The following OR52E5 variants were observed in gnomAD, a reference collection of about 807,000 sequenced individuals.
The protein encoded by OR52E5 is olfactory receptor family 52 subfamily E member 5.
intron 2 of OR52E5, 70 bp from the exon 3 acceptor site, chr11:5,900,562 C>T (rs1847235651): frequency 2.7e-6 from 1 of 372,620 alleles, no homozygotes; most frequent in African/African-American, 2.1e-5. Context: ...TGCATGGTTT[C>T]CTGTGTAAGT....
intron 1 of OR52E5, among the ~76,000 whole-genome samples, chr11:5,895,370 CAT>C (rs1424453505): frequency 6.6e-6 from 1 of 152,128 alleles, no homozygotes; most frequent in Non-Finnish European, 1.5e-5. Context: ...TAAAATTAAA[CAT>C]AAATTTTGTT....
chr11:5,900,091 A>G (rs777819214), intron 2 of OR52E5, among the ~76,000 whole-genome samples: 7 of 152,216 alleles, frequency 4.6e-5, no homozygotes, highest in Non-Finnish European at 2.9e-5. Flanking sequence ...AAAGTATCTG[A>G]GAGCATCCAG....
intron 2 of OR52E5, among the ~76,000 whole-genome samples, chr11:5,896,246 T>TAAAAAA (rs56197568): frequency 0.044 from 2,346 of 53,488 alleles, 312 homozygotes; most frequent in Middle Eastern, 0.056. Flanking sequence ...TCGTCTCTAC[T>TAAAAAA]AAAAAAAAAA....
intron 1 of OR52E5, among the ~76,000 whole-genome samples, chr11:5,894,006 G>A (rs918237715): frequency 3.6e-4 from 54 of 151,912 alleles, no homozygotes; most frequent in Admixed American, 1.2e-3. Context: ...AAATCTTTCT[G>A]CCCGCCATTC....
rs1388128160 is a variant in OR52E5, at chr11:5,900,710, T to G, written c.-67T>G. On this transcript the variant is annotated 5_prime_UTR_variant, in exon 3 of 3. Transcript: ENST00000610445. ...AATAGACACCATGCTGTGAAAGAAG[T>G]TATGGTTTCTCACTGGAAGCAAGAA... 1 of 398,464 alleles carries G rather than the reference T, an allele frequency of 2.5e-6. No homozygotes were observed. Among genetic ancestry groups the G allele is most frequent in the Non-Finnish European group, 4.4e-6 (1 of 226,052 alleles). The allele number at this position is 398,464 out of a possible 1,614,324, so 24.7% of individuals were successfully genotyped here.
chr11:5,897,029 G>A (rs562837761), intron 2 of OR52E5, among the ~76,000 whole-genome samples: 19 of 152,286 alleles, frequency 1.2e-4, no homozygotes, highest in South Asian at 4.1e-4. Context: ...CTGACAGATC[G>A]GATGCTGGGG....
At position 5,898,044 on chromosome 11, in the gene OR52E5, A is replaced by T. The variant is rs546530213; in HGVS notation, c.-146+2331A>T. 3.5e-3 allele frequency among the ~76,000 whole-genome samples: 524 copies of T among 149,926 alleles called. 6 individuals carry two copies. The highest frequency in any genetic ancestry group is 0.014 in the Middle Eastern group (4 of 292). ...CACCAAGCTAATTTTTTTTTTTTTT[A>T]GATGAAGTCTCCCTATGTTTCCCAG... On this transcript the variant is annotated intron_variant, in intron 2 of 2. Coordinates refer to ENST00000610445, the MANE Select transcript of OR52E5 (RefSeq NM_001005166.5).
intron 2 of OR52E5, among the ~76,000 whole-genome samples, chr11:5,898,007 C>T (rs1223682099): frequency 2.6e-5 from 4 of 151,724 alleles, no homozygotes; most frequent in Non-Finnish European, 4.4e-5. Flanking sequence ...TAACCATAGG[C>T]GCACACCACC....
At chr11:5,896,825 C>A (rs543053831) in intron 2 of OR52E5, among the ~76,000 whole-genome samples, 8 of 152,138 alleles carry the variant, frequency 5.3e-5, no homozygotes, top group Non-Finnish European at 8.8e-5. Flanking sequence ...AATTCCCTGG[C>A]CTGAATCTCA....
At chr11:5,894,175 A>T (rs1847141709) in intron 1 of OR52E5, among the ~76,000 whole-genome samples, 1 of 152,218 alleles carries the variant, frequency 6.6e-6, no homozygotes, top group African/African-American at 2.4e-5. Context: ...TTTTGCCTTC[A>T]AAGAAATTAT....
At chr11:5,894,506 C>A (rs986519758) in intron 1 of OR52E5, among the ~76,000 whole-genome samples, 1 of 152,052 alleles carries the variant, frequency 6.6e-6, no homozygotes, top group Non-Finnish European at 1.5e-5. Context: ...GTTAATAAAT[C>A]TAGGCTATGT....
chr11:5,902,189 C>T lies in OR52E5; in HGVS notation c.*429C>T, dbSNP rs4559671. The T allele has an allele frequency of 0.25, 38,388 of 154,496 alleles. 4,840 individuals carry two copies. The highest frequency in any genetic ancestry group is 0.27 in the Middle Eastern group (190 of 710). The allele number at this position is 154,496 out of a possible 1,614,324, so 9.6% of individuals were successfully genotyped here. On this transcript the variant is annotated 3_prime_UTR_variant, in exon 3 of 3. Transcript: ENST00000610445. ...GATTTAAATACAGGTTATGGCCTTA[C>T]CTAAAATTTTGACCTGAGCATTTCA...
At chr11:5,900,391 C>G (rs1847233295) in intron 2 of OR52E5, among the ~76,000 whole-genome samples, 3 of 151,910 alleles carry the variant, frequency 2.0e-5, no homozygotes, top group Admixed American at 6.6e-5. Context: ...CACACACACA[C>G]ACACACACAC....
intron 2 of OR52E5, among the ~76,000 whole-genome samples, chr11:5,896,200 A>G (rs1847171689): frequency 6.8e-6 from 1 of 147,826 alleles, no homozygotes; most frequent in Admixed American, 6.8e-5. Context: ...CAGGAGATCA[A>G]GACATCAAGA....
At position 5,901,144 on chromosome 11, in the gene OR52E5, A is replaced by G. The variant is rs1847245483; in HGVS notation, c.368A>G (p.Asp123Gly). Residue 123 changes from aspartate (D) to glycine (G), a missense_variant, in exon 3 of 3, where the codon GAT becomes GGT. Coordinates refer to ENST00000610445, the MANE Select transcript of OR52E5 (RefSeq NM_001005166.5). ...ESVVLTVTGI[D>G]RYIAICNPLR... ...GTGGTACTGACAGTCACGGGCATAG[A>G]TCGCTATATTGCCATCTGCAACCCC... 1 of 401,372 alleles carries G rather than the reference A, an allele frequency of 2.5e-6. No homozygotes were observed. Among genetic ancestry groups the G allele is most frequent in the Non-Finnish European group, 4.4e-6 (1 of 226,368 alleles). The allele number at this position is 401,372 out of a possible 1,614,324, so 24.9% of individuals were successfully genotyped here. A position where few individuals can be genotyped will look rare whatever the true frequency, so the allele number is the denominator to read the frequency against.
rs1302211209 is a variant in OR52E5 at position 5,901,777 on chromosome 11, T to A, written c.*17T>A. ...AGACAATAATGAGATCATAACAAAA[T>A]AAACACTGGAAACATTTTTTTTACT... On this transcript the variant is annotated 3_prime_UTR_variant, in exon 3 of 3. Transcript: ENST00000610445. The A allele has an allele frequency of 2.5e-5, 10 of 400,016 alleles. No homozygotes were observed. The highest frequency in any genetic ancestry group is 4.1e-5 in the African/African-American group (2 of 48,656). The allele number at this position is 400,016 out of a possible 1,614,324, so 24.8% of individuals were successfully genotyped here. A position where few individuals can be genotyped will look rare whatever the true frequency, so the allele number is the denominator to read the frequency against.
intron 2 of OR52E5, among the ~76,000 whole-genome samples, chr11:5,898,102 TC>T (rs1464875338): frequency 6.6e-6 from 1 of 151,874 alleles, no homozygotes; most frequent in Non-Finnish European, 1.5e-5. Flanking sequence ...CAAGTTATCC[TC>T]CCACCTCGGC....
chr11:5,897,692 ATTTTCATACTG>A lies in OR52E5; in HGVS notation c.-146+1985_-146+1995del, dbSNP rs536644959. 2.3e-3 allele frequency among the ~76,000 whole-genome samples: 344 copies of A among 152,212 alleles called. 1 individual carries two copies. Among genetic ancestry groups the A allele is most frequent in the African/African-American group, 8.0e-3 (334 of 41,538 alleles). On this transcript the variant is annotated intron_variant, in intron 2 of 2. Coordinates refer to ENST00000610445, the MANE Select transcript of OR52E5 (RefSeq NM_001005166.5). ...AGTTCTATTTTTAGTTCCTTGGGAA[ATTTTCATACTG>A]TTTTCCATGGAGGTTGAGCTAATAA...
chr11:5,901,989 A>C lies in OR52E5; in HGVS notation c.*229A>C, dbSNP rs1157258978. The C allele has an allele frequency of 2.9e-6, 1 of 350,220 alleles. No homozygotes were observed. Among genetic ancestry groups the C allele is most frequent in the Non-Finnish European group, 5.1e-6 (1 of 194,374 alleles). 21.7% of individuals were successfully genotyped at this position (350,220 alleles called of 1,614,324 possible). ...ACTACAAAATGCCTAAAGAGAAACAAAGGCTTTGTAAAAGTTATTGCCCAG... is the reference window on the plus strand; with the variant it reads ...ACTACAAAATGCCTAAAGAGAAACACAGGCTTTGTAAAAGTTATTGCCCAG... On this transcript the variant is annotated 3_prime_UTR_variant, in exon 3 of 3. Coordinates refer to ENST00000610445, the MANE Select transcript of OR52E5 (RefSeq NM_001005166.5).
Sources: allele counts gnomAD v4.1 joint callset (sites outside exome capture counted in the v4.1 genomes callset), GRCh38; gene constraint gnomAD v4.1.1; transcripts MANE v1.5; gene names NCBI Gene and HGNC (gene_info 2026-07-23, HGNC 2026-07-21).